The following KIAA0825 variants were observed in gnomAD, a reference collection of about 807,000 sequenced individuals.
KIAA0825 encodes uncharacterized protein KIAA0825.
Under a neutral mutation model 147.6 loss-of-function variants are expected in KIAA0825, and 119 were observed. The observed-to-expected ratio is 0.81, with a 90% CI of 0.69 to 0.94. The LOEUF is 0.94. KIAA0825 is among the 40% of genes least tolerant of loss of function. KIAA0825 has a pLI of 0.00. For missense variants in KIAA0825, 1,381 were observed against 1,472.7 expected, an observed-to-expected ratio of 0.94 and a Z score of 1.02; for synonymous variants, 470 against 518.1, an observed-to-expected ratio of 0.91 and a Z score of 1.26.
intron 14 of KIAA0825, among the ~76,000 whole-genome samples, chr5:94,426,086 G>T (rs1452623931): frequency 1.3e-5 from 2 of 150,882 alleles, no homozygotes; most frequent in East Asian, 3.9e-4. Flanking sequence ...GCCCAGGATA[G>T]TCTTGAATTC....
At chr5:94,459,635 T>C (rs1759558676) in intron 12 of KIAA0825, among the ~76,000 whole-genome samples, 2 of 152,172 alleles carry the variant, frequency 1.3e-5, no homozygotes, top group Non-Finnish European at 2.9e-5. Context: ...AAGATGAGGC[T>C]GCTATTCCTT....
intron 20 of KIAA0825, among the ~76,000 whole-genome samples, chr5:94,363,259 G>T (rs1745330328): frequency 6.6e-6 from 1 of 150,606 alleles, no homozygotes; most frequent in South Asian, 2.1e-4. Flanking sequence ...TTGAAAATAA[G>T]AGATCCGCAA....
At chr5:94,337,276 C>T (rs2446772) in intron 20 of KIAA0825, among the ~76,000 whole-genome samples, 28,524 of 152,034 alleles carry the variant, frequency 0.19, 3,373 homozygotes, top group Non-Finnish European at 0.25. Context: ...AAGAATTCAG[C>T]GTATTGGTAT....
chr5:94,590,400 A>G, intron 1 of KIAA0825, among the ~76,000 whole-genome samples: 1 of 152,200 alleles, frequency 6.6e-6, no homozygotes, highest in South Asian at 2.1e-4. Flanking sequence ...TCCCAAGCCA[A>G]ATTCCAGTTG....
At chr5:94,169,542 A>T (rs536882332) in intron 20 of KIAA0825, among the ~76,000 whole-genome samples, 1 of 150,436 alleles carries the variant, frequency 6.6e-6, no homozygotes, top group Admixed American at 6.7e-5. Context: ...AGGTGGTGCC[A>T]CTGCAGTCCA....
intron 3 of KIAA0825, among the ~76,000 whole-genome samples, chr5:94,526,794 C>G (rs570763842): frequency 4.6e-5 from 7 of 151,984 alleles, no homozygotes; most frequent in Admixed American, 4.6e-4. Flanking sequence ...GTGAATAAGA[C>G]GTCATCCTGT....
At chr5:94,311,313 C>A (rs1344466555) in intron 20 of KIAA0825, among the ~76,000 whole-genome samples, 1 of 150,524 alleles carries the variant, frequency 6.6e-6, no homozygotes, top group Non-Finnish European at 1.5e-5. Flanking sequence ...CATAAAAGAG[C>A]AGGGGGACGA....
chr5:94,345,399 T>C (rs1782875379), intron 20 of KIAA0825, among the ~76,000 whole-genome samples: 1 of 152,116 alleles, frequency 6.6e-6, no homozygotes, highest in Non-Finnish European at 1.5e-5. Flanking sequence ...TCACATGTCA[T>C]TACAACTTGT....
chr5:94,544,142 G>A (rs956802867), intron 2 of KIAA0825, among the ~76,000 whole-genome samples: 8 of 152,086 alleles, frequency 5.3e-5, no homozygotes, highest in Non-Finnish European at 8.8e-5. Flanking sequence ...TTCCTGTAAC[G>A]GAATAATTTA....
chr5:94,519,062 A>G (rs1256811955), intron 5 of KIAA0825: 1 of 286,278 alleles, frequency 3.5e-6, no homozygotes, highest in African/African-American at 2.3e-5. Context: ...TTTGAGCAAA[A>G]TAATAATGTT....
At chr5:94,242,720 G>A (rs935979734) in intron 20 of KIAA0825, among the ~76,000 whole-genome samples, 1 of 151,970 alleles carries the variant, frequency 6.6e-6, no homozygotes, top group Non-Finnish European at 1.5e-5. Context: ...CTGCCTCCAG[G>A]GTTCAAGTGA....
At chr5:94,232,071 C>G (rs2150086860) in intron 20 of KIAA0825, among the ~76,000 whole-genome samples, 1 of 152,098 alleles carries the variant, frequency 6.6e-6, no homozygotes, top group South Asian at 2.1e-4. Flanking sequence ...GCAAGTAATA[C>G]AGAATAACTA....
chr5:94,168,150 A>G (rs1255633874), intron 20 of KIAA0825, among the ~76,000 whole-genome samples: 6 of 151,936 alleles, frequency 3.9e-5, no homozygotes, highest in Non-Finnish European at 8.8e-5. Context: ...ACTATTATAT[A>G]TCAACACTTG....
chr5:94,467,567 C>T (rs551680703), intron 10 of KIAA0825, among the ~76,000 whole-genome samples: 1 of 152,190 alleles, frequency 6.6e-6, no homozygotes, highest in African/African-American at 2.4e-5. Flanking sequence ...CCATCGTGAC[C>T]AGCACCTCAT....
chr5:94,572,954 G>A (rs1256508879), intron 2 of KIAA0825, among the ~76,000 whole-genome samples: 1 of 152,200 alleles, frequency 6.6e-6, no homozygotes, highest in Non-Finnish European at 1.5e-5. Flanking sequence ...CCAAATATGA[G>A]TGACCATGGC....
intron 1 of KIAA0825, among the ~76,000 whole-genome samples, chr5:94,602,164 A>G (rs1055261746): frequency 1.3e-5 from 2 of 152,172 alleles, no homozygotes; most frequent in Non-Finnish European, 2.9e-5. Flanking sequence ...CCTGGCTAAC[A>G]TGGTGAAACC....
chr5:94,360,647 C>A (rs1744933436), intron 20 of KIAA0825, among the ~76,000 whole-genome samples: 1 of 152,188 alleles, frequency 6.6e-6, no homozygotes, highest in Non-Finnish European at 1.5e-5. Flanking sequence ...GGACAAATGC[C>A]ATGGCAGTGT....
chr5:94,396,754 T>C (rs1379418518), intron 16 of KIAA0825, among the ~76,000 whole-genome samples: 1 of 151,852 alleles, frequency 6.6e-6, no homozygotes. Context: ...TAATTTATAT[T>C]CTTATCTTTC....
intron 20 of KIAA0825, among the ~76,000 whole-genome samples, chr5:94,301,705 G>T (rs922617461): frequency 4.6e-5 from 7 of 152,014 alleles, no homozygotes; most frequent in African/African-American, 1.7e-4. Flanking sequence ...CATGTGTGTG[G>T]GTGTTAAAGG....
Sources: gnomAD v4.1 joint callset for allele counts (sites outside exome capture counted in the v4.1 genomes callset) on GRCh38, gnomAD v4.1.1 for gene constraint, MANE v1.5 for transcripts, NCBI Gene and HGNC (gene_info 2026-07-23, HGNC 2026-07-21) for gene names.